Variants in SERPINA7 observed in about 807,000 individuals in gnomAD.
The protein encoded by SERPINA7 is thyroxine-binding globulin.
A neutral mutation model predicts 16.0 loss-of-function variants in SERPINA7; 14 were observed. That is an observed-to-expected ratio of 0.88 (90% confidence interval 0.58 to 1.37). SERPINA7 has a LOEUF of 1.37. Ranked by LOEUF, SERPINA7 falls within the 40% of genes most tolerant of loss-of-function variation. The pLI, the probability that SERPINA7 is intolerant of heterozygous loss-of-function variation, is 0.00. For synonymous variants in SERPINA7, 140 were observed against 111.0 expected (o/e 1.26, Z -1.65); for missense variants, 335 against 296.6 (o/e 1.13, Z -0.95).
intron 2 of SERPINA7, among the ~76,000 whole-genome samples, chrX:106,035,629 A>C (rs933353740): frequency 7.2e-5 from 8 of 111,473 alleles, no homozygotes; most frequent in Non-Finnish European, 1.5e-4. Flanking sequence ...TGTATTCAAA[A>C]CTACTATACC....
rs148952971 is a variant in SERPINA7, at chrX:106,035,174, C to T, written c.834G>A (p.Glu278=). The T allele has an allele frequency of 1.7e-6, 2 of 1,211,636 alleles. No homozygotes were observed. Among genetic ancestry groups the T allele is most frequent in the Non-Finnish European group, 2.2e-6 (2 of 895,276 alleles). The change falls in exon 3 of 5, where the codon GAG becomes GAA. Residue 278 remains glutamate (E), a synonymous_variant. Coordinates refer to ENST00000372563, the MANE Select transcript of SERPINA7 (RefSeq NM_000354.6). ...LFVLPKEGQM[E]SVEAAMSSKT... ...TAGATGACATGGCAGCTTCCACTGA[C>T]TCCATCTGTCCCTCCTTGGGAAGAA... is the stretch of plus-strand genomic sequence containing the variant.
chrX:106,033,593 G>A lies in SERPINA7; in HGVS notation c.1155C>T (p.Ile385=), dbSNP rs765747683. The A allele has an allele frequency of 5.8e-6, 7 of 1,209,286 alleles. No individual in the cohort carries two copies. Among genetic ancestry groups the A allele is most frequent in the Non-Finnish European group, 7.8e-6 (7 of 894,607 alleles). ...QPENTFLHPI[I]QIDRSFMLLI... is the part of the protein sequence containing the mutation. ...ACAACATGAAAGATCTATCAATTTG[G>A]ATAATAGGGTGTAGGAAAGTGTTTT... Residue 385 remains isoleucine (I), a synonymous_variant, in exon 5 of 5, where the codon ATC becomes ATT. Transcript: ENST00000372563.
At chrX:106,034,634 T>C (rs2041434618) in intron 3 of SERPINA7, among the ~76,000 whole-genome samples, 1 of 111,683 alleles carries the variant, frequency 9.0e-6, no homozygotes, top group Non-Finnish European at 1.9e-5. Context: ...CAAGAGAAAA[T>C]ATCCCTGAGG....
intron 1 of SERPINA7, 52 bp from the exon 2 acceptor site, chrX:106,037,127 A>G (rs758260822): frequency 3.0e-6 from 3 of 1,000,105 alleles, no homozygotes; most frequent in Non-Finnish European, 4.2e-6. Context: ...TGGATGAAAC[A>G]CTCCCTGAGC....
chrX:106,034,950 G>T (rs1378637870), intron 3 of SERPINA7, among the ~76,000 whole-genome samples, 162 bp downstream of exon 3: 1 of 112,086 alleles, frequency 8.9e-6, no homozygotes, highest in East Asian at 2.8e-4. Context: ...AGAATGCCCA[G>T]CCAAGGGCCT....
Position 106,034,299 on chromosome X carries a change from T to C in SERPINA7, c.980A>G (p.His327Arg). The change falls in exon 4 of 5, where the codon CAT becomes CGT. Residue 327 changes from histidine to arginine, a missense_variant. Coordinates refer to ENST00000372563, the MANE Select transcript of SERPINA7 (RefSeq NM_000354.6). Reference protein sequence around the residue: ...GATLLKMGIQHAYSENADFSG... With the variant: ...GATLLKMGIQRAYSENADFSG... ...AAAATCAGCATTTTCAGAATAGGCA[T>C]GCTGAATGCCCATCTTCAAAAGTGT... 1.7e-6 allele frequency: 2 copies of C among 1,207,104 alleles called. No individual in the cohort carries two copies. Among genetic ancestry groups the C allele is most frequent in the South Asian group, 1.8e-5 (1 of 56,917 alleles).
In SERPINA7 at chrX:106,033,121, C is replaced by G. The variant is rs2041420189; in HGVS notation, c.*379G>C. The G allele has an allele frequency of 4.2e-6, 1 of 236,793 alleles. No individual in the cohort carries two copies. The highest frequency in any genetic ancestry group is 2.9e-5 in the African/African-American group (1 of 34,412). 19.5% of individuals were successfully genotyped at this position (236,793 alleles called of 1,213,427 possible). ...ACAATGCATCTGCATTGTTTTATGTCCATTGATCTTATTGGAGTACTGGGA... is the reference window on the plus strand; with the variant it reads ...ACAATGCATCTGCATTGTTTTATGTGCATTGATCTTATTGGAGTACTGGGA... On this transcript the variant is annotated 3_prime_UTR_variant, in exon 5 of 5. Coordinates refer to ENST00000372563, the MANE Select transcript of SERPINA7 (RefSeq NM_000354.6).
At position 106,032,462 on chromosome X, in the gene SERPINA7, C is replaced by A. The variant is rs1367916071; in HGVS notation, c.*1038G>T. On this transcript the variant is annotated 3_prime_UTR_variant, in exon 5 of 5. Coordinates refer to ENST00000372563, the MANE Select transcript of SERPINA7 (RefSeq NM_000354.6). ...CTTTTCTAAACATAAATATTTATTT[C>A]AATATGGAAGTACAACATCTGCAAC... 1 of 112,131 alleles carries A rather than the reference C, an allele frequency of 8.9e-6. No individual in the cohort carries two copies. The highest frequency in any genetic ancestry group is 1.9e-5 in the Non-Finnish European group (1 of 53,205). 9.2% of individuals were successfully genotyped at this position (112,131 alleles called of 1,213,427 possible).
At chrX:106,035,777 T>C (rs372227782) in intron 2 of SERPINA7, among the ~76,000 whole-genome samples, 1 of 112,386 alleles carries the variant, frequency 8.9e-6, no homozygotes, top group African/African-American at 3.2e-5. Flanking sequence ...TGGCCGACAA[T>C]TGATTACTCC....
rs1402466165 is a variant in SERPINA7, at chrX:106,033,109, A to G, written c.*391T>C. 1 of 220,064 alleles carries G rather than the reference A, an allele frequency of 4.5e-6. No homozygotes were observed. The allele number at this position is 220,064 out of a possible 1,213,427, so 18.1% of individuals were successfully genotyped here. A position where few individuals can be genotyped will look rare whatever the true frequency, so the allele number is the denominator to read the frequency against. On this transcript the variant is annotated 3_prime_UTR_variant, in exon 5 of 5. Transcript: ENST00000372563. Reference sequence around the variant, plus strand: ...TTCACATATAAGACAATGCATCTGCATTGTTTTATGTCCATTGATCTTATT... The same window carrying G: ...TTCACATATAAGACAATGCATCTGCGTTGTTTTATGTCCATTGATCTTATT...
intron 4 of SERPINA7, 96 bp downstream of exon 4, chrX:106,034,139 T>C: frequency 1.1e-6 from 1 of 889,171 alleles, no homozygotes; most frequent in Non-Finnish European, 1.6e-6. Context: ...TCTCTAGGCA[T>C]CAGATTGCTA....
At position 106,036,470 on chromosome X, in the gene SERPINA7, T is replaced by C; in HGVS notation, c.589A>G (p.Ile197Val). 1 of 1,210,838 alleles carries C rather than the reference T, an allele frequency of 8.3e-7. No homozygotes were observed. Among genetic ancestry groups the C allele is most frequent in the Non-Finnish European group, 1.1e-6 (1 of 894,876 alleles). The change falls in exon 2 of 5, where the codon ATC (isoleucine) becomes GTC (valine). Residue 197 changes from isoleucine to valine, a missense_variant. Coordinates refer to ENST00000372563, the MANE Select transcript of SERPINA7 (RefSeq NM_000354.6). ...GLIQDLKPNT[I>V]MVLVNYIHFK... is the part of the protein sequence containing the mutation. ...TGAATATAGTTCACTAAGACCATGA[T>C]GGTGTTTGGCTTGAGGTCTTGAATT...
In SERPINA7 at chrX:106,033,699, G is replaced by A. The variant is rs759286709; in HGVS notation, c.1049C>T (p.Ala350Val). The A allele has an allele frequency of 1.2e-5, 15 of 1,210,693 alleles. No individual in the cohort carries two copies. The highest frequency in any genetic ancestry group is 1.7e-5 in the Non-Finnish European group (15 of 894,572). ...ACCAATGTGCAGCACAGCCTTATGGGCAGCCTGTGTGGGGAGAACAAATCC... is the reference window on the plus strand; with the variant it reads ...ACCAATGTGCAGCACAGCCTTATGGACAGCCTGTGTGGGGAGAACAAATCC... Reference protein sequence around the residue: ...EDNGLKLSNAAHKAVLHIGEK... With the variant: ...EDNGLKLSNAVHKAVLHIGEK... The change falls in exon 5 of 5, where the codon GCC (alanine) becomes GTC (valine). Residue 350 changes from alanine to valine, a missense_variant. Coordinates refer to ENST00000372563, the MANE Select transcript of SERPINA7 (RefSeq NM_000354.6).
rs2041452585 is a variant in SERPINA7, at chrX:106,036,660, G to A, written c.399C>T (p.Ala133=). ...KKELELQIGN[A]LFIGKHLKPL... is the part of the protein sequence containing the mutation. ...GTTTCAGATGCTTGCCAATGAAGAG[G>A]GCATTTCCTATCTGCAATTCCAGTT... The change falls in exon 2 of 5, where the codon GCC becomes GCT. Residue 133 remains alanine (A), a synonymous_variant. Transcript: ENST00000372563. 2 of 1,210,615 alleles carry A rather than the reference G, an allele frequency of 1.7e-6. No homozygotes were observed. The highest frequency in any genetic ancestry group is 3.5e-5 in the South Asian group (2 of 56,936).
In SERPINA7 at chrX:106,033,697, G is replaced by T; in HGVS notation, c.1051C>A (p.His351Asn). The T allele has an allele frequency of 2.5e-6, 3 of 1,210,712 alleles. No individual in the cohort carries two copies. ...DNGLKLSNAA[H>N]KAVLHIGEKG... is the part of the protein sequence containing the mutation. ...TCACCAATGTGCAGCACAGCCTTAT[G>T]GGCAGCCTGTGTGGGGAGAACAAAT... is the stretch of plus-strand genomic sequence containing the variant. Residue 351 changes from histidine (H) to asparagine (N), a missense_variant, in exon 5 of 5, where the codon CAT becomes AAT. His to Asn is a moderately conservative substitution (Grantham distance 68). Coordinates refer to ENST00000372563, the MANE Select transcript of SERPINA7 (RefSeq NM_000354.6).
chrX:106,034,213 G>T, intron 4 of SERPINA7, 22 bp downstream of exon 4: 1 of 1,201,511 alleles, frequency 8.3e-7, no homozygotes, highest in Non-Finnish European at 1.1e-6. Flanking sequence ...ATACATTTAA[G>T]AACTCTAGTT....
At position 106,032,482 on chromosome X, in the gene SERPINA7, T is replaced by G. The variant is rs1342146638; in HGVS notation, c.*1018A>C. ...TATTTCAATATGGAAGTACAACATC[T>G]GCAACAGTACTTATGCATTTTTTTT... On this transcript the variant is annotated 3_prime_UTR_variant, in exon 5 of 5. Coordinates refer to ENST00000372563, the MANE Select transcript of SERPINA7 (RefSeq NM_000354.6). 1 of 112,528 alleles carries G rather than the reference T, an allele frequency of 8.9e-6. No homozygotes were observed. The highest frequency in any genetic ancestry group is 1.9e-5 in the Non-Finnish European group (1 of 53,287). The allele number at this position is 112,528 out of a possible 1,213,427, so 9.3% of individuals were successfully genotyped here.
In SERPINA7 at chrX:106,033,454, C is replaced by G; in HGVS notation, c.*46G>C. 8.4e-7 allele frequency: 1 copy of G among 1,184,504 alleles called. No homozygotes were observed. Among genetic ancestry groups the G allele is most frequent in the Non-Finnish European group, 1.1e-6 (1 of 870,947 alleles). On this transcript the variant is annotated 3_prime_UTR_variant, in exon 5 of 5. Coordinates refer to ENST00000372563, the MANE Select transcript of SERPINA7 (RefSeq NM_000354.6). ...ACCAGGCTATATTATTTATTTATTTCCCATTGCAATACACACGTGCAATTA... is the reference window on the plus strand; with the variant it reads ...ACCAGGCTATATTATTTATTTATTTGCCATTGCAATACACACGTGCAATTA...
intron 1 of SERPINA7, chrX:106,037,396 T>C: frequency 1.3e-5 from 3 of 233,866 alleles, no homozygotes; most frequent in Non-Finnish European, 2.3e-5. Flanking sequence ...TTTTCTGAAC[T>C]AGAGGCAGCC....
Sources: allele counts gnomAD v4.1 joint callset (sites outside exome capture counted in the v4.1 genomes callset), GRCh38; gene constraint gnomAD v4.1.1; transcripts MANE v1.5; gene names NCBI Gene and HGNC (gene_info 2026-07-23, HGNC 2026-07-21).